Variants in MALRD1 observed in about 807,000 individuals in gnomAD.
MALRD1 encodes MAM and LDL receptor class A domain containing 1.
MALRD1 carries 247 observed loss-of-function variants against 242.1 expected under a neutral mutation model. The ratio of observed to expected loss-of-function variants is 1.02; its 90% confidence interval spans 0.92 to 1.13. The LOEUF (loss-of-function observed/expected upper bound fraction) is 1.13. MALRD1 is among the 50% of genes most tolerant of loss of function. The pLI, the probability that MALRD1 is intolerant of heterozygous loss-of-function variation, is 0.00. For synonymous variants in MALRD1, 995 were observed against 866.6 expected (o/e 1.15, Z -2.60); for missense variants, 2,989 against 2,533.1 (o/e 1.18, Z -3.86).
chr10:19,553,248 C>T lies in MALRD1; in HGVS notation c.5479-14254C>T, dbSNP rs145450202. Among the ~76,000 whole-genome samples, 141 of 152,036 alleles carry T rather than the reference C, an allele frequency of 9.3e-4. 1 individual carries two copies. Among genetic ancestry groups the T allele is most frequent in the African/African-American group, 3.1e-3 (127 of 41,494 alleles). ...TATGGTTGGACAAGGAAAACACTCA[C>T]AAAATTTCCAATTTAAAATTTCATA... is the stretch of plus-strand genomic sequence containing the variant. On this transcript the variant is annotated intron_variant, in intron 32 of 39. Coordinates refer to ENST00000454679, the MANE Select transcript of MALRD1 (RefSeq NM_001142308.3).
At chr10:19,413,230 A>G (rs1833355676) in intron 28 of MALRD1, among the ~76,000 whole-genome samples, 1 of 152,156 alleles carries the variant, frequency 6.6e-6, no homozygotes, top group Non-Finnish European at 1.5e-5. Flanking sequence ...AAAAACTACT[A>G]AATAGTTTTG....
At chr10:19,702,453 A>G (rs528908452) in intron 38 of MALRD1, among the ~76,000 whole-genome samples, 1 of 152,350 alleles carries the variant, frequency 6.6e-6, no homozygotes, top group African/African-American at 2.4e-5. Flanking sequence ...CAACAATGTT[A>G]TAGCAATGAT....
chr10:19,272,538 T>G (rs1840298364), intron 19 of MALRD1, among the ~76,000 whole-genome samples: 1 of 152,226 alleles, frequency 6.6e-6, no homozygotes, highest in Admixed American at 6.5e-5. Context: ...TATTATATTT[T>G]AAGTTCCGGG....
chr10:19,353,660 T>C (rs1014281781), intron 26 of MALRD1, among the ~76,000 whole-genome samples: 2 of 152,194 alleles, frequency 1.3e-5, no homozygotes, highest in Non-Finnish European at 2.9e-5. Flanking sequence ...AAGGGAAATA[T>C]ACATAGGTGG....
intron 29 of MALRD1, among the ~76,000 whole-genome samples, chr10:19,461,953 C>G (rs1835967210): frequency 6.6e-6 from 1 of 152,088 alleles, no homozygotes; most frequent in Non-Finnish European, 1.5e-5. Flanking sequence ...TTGCAGGCAT[C>G]CTTTAGTTTT....
intron 28 of MALRD1, among the ~76,000 whole-genome samples, chr10:19,416,217 ATG>A (rs1833508607): frequency 6.6e-6 from 1 of 152,208 alleles, no homozygotes. Flanking sequence ...ATTAAACTAA[ATG>A]AGAGTTACAA....
At chr10:19,276,488 T>C (rs1840534058) in intron 19 of MALRD1, among the ~76,000 whole-genome samples, 1 of 152,178 alleles carries the variant, frequency 6.6e-6, no homozygotes, top group Non-Finnish European at 1.5e-5. Flanking sequence ...GGCCATTGAA[T>C]GTTTTGCAGT....
At chr10:19,408,550 A>G (rs1179060841) in intron 28 of MALRD1, among the ~76,000 whole-genome samples, 4 of 152,210 alleles carry the variant, frequency 2.6e-5, no homozygotes, top group Non-Finnish European at 4.4e-5. Flanking sequence ...AAAGAAAATC[A>G]TACATTAGTG....
At chr10:19,259,795 T>G (rs1319905250) in intron 19 of MALRD1, among the ~76,000 whole-genome samples, 1 of 152,198 alleles carries the variant, frequency 6.6e-6, no homozygotes, top group African/African-American at 2.4e-5. Flanking sequence ...CTGCCAGAGT[T>G]TCTTCTTCAG....
rs1404996800 is a variant in MALRD1 at position 19,352,296 on chromosome 10, A to C, written c.4440A>C (p.Thr1480=). ...VQEELAVPLP[T]GFCPLGYREC... is the part of the protein sequence containing the mutation. ...AAGAACTGGCAGTGCCTCTTCCAAC[A>C]GGTACATTCTAATCTGTGTGTGTGT... The change falls in exon 26 of 40, where the codon ACA becomes ACC. Residue 1480 remains threonine (T), a splice_region_variant and synonymous_variant. Coordinates refer to ENST00000454679, the MANE Select transcript of MALRD1 (RefSeq NM_001142308.3). The C allele has an allele frequency of 1.5e-5, 22 of 1,483,228 alleles. No homozygotes were observed. The highest frequency in any genetic ancestry group is 1.8e-5 in the Non-Finnish European group (20 of 1,121,238). The allele number at this position is 1,483,228 out of a possible 1,614,324, so 91.9% of individuals were successfully genotyped here. A position where few individuals can be genotyped will look rare whatever the true frequency, so the allele number is the denominator to read the frequency against.
At chr10:19,324,927 TGC>T (rs1843052012) in intron 22 of MALRD1, among the ~76,000 whole-genome samples, 2 of 151,514 alleles carry the variant, frequency 1.3e-5, no homozygotes, top group Non-Finnish European at 2.9e-5. Context: ...ATAAATATTT[TGC>T]CAAGAGATAT....
chr10:19,497,033 T>C (rs1837749997), intron 30 of MALRD1, among the ~76,000 whole-genome samples: 1 of 151,952 alleles, frequency 6.6e-6, no homozygotes, highest in African/African-American at 2.4e-5. Flanking sequence ...AAAAATAAAG[T>C]CATATATTAA....
intron 5 of MALRD1, among the ~76,000 whole-genome samples, chr10:19,115,772 A>T (rs772368061): frequency 6.6e-6 from 1 of 152,182 alleles, no homozygotes; most frequent in Non-Finnish European, 1.5e-5. Flanking sequence ...GCTACTGGGG[A>T]GGCTGAGACG....
intron 2 of MALRD1, among the ~76,000 whole-genome samples, chr10:19,080,202 T>G (rs1009805546): frequency 6.6e-6 from 1 of 151,982 alleles, no homozygotes; most frequent in African/African-American, 2.4e-5. Flanking sequence ...ACCAAAGTAA[T>G]TTATAGATTT....
At chr10:19,326,545 C>T (rs943563442) in intron 22 of MALRD1, among the ~76,000 whole-genome samples, 10 of 151,720 alleles carry the variant, frequency 6.6e-5, no homozygotes, top group South Asian at 2.1e-4. Flanking sequence ...TTTTCAATGC[C>T]TTTCAAAATT....
intron 34 of MALRD1, among the ~76,000 whole-genome samples, chr10:19,596,729 ACT>A (rs1463548742): frequency 7.0e-6 from 1 of 143,364 alleles, no homozygotes; most frequent in Non-Finnish European, 1.5e-5. Flanking sequence ...ACAAAGTGAG[ACT>A]CTGTCTCAAA....
intron 32 of MALRD1, among the ~76,000 whole-genome samples, chr10:19,554,956 T>G (rs1835650649): frequency 6.6e-6 from 1 of 152,190 alleles, no homozygotes. Context: ...TCTGGATCTT[T>G]GAGGAATCGC....
chr10:19,553,964 C>T (rs1279265620), intron 32 of MALRD1, among the ~76,000 whole-genome samples: 1 of 152,128 alleles, frequency 6.6e-6, no homozygotes, highest in Non-Finnish European at 1.5e-5. Context: ...TTGTTGAGCT[C>T]CTATTATGTG....
intron 13 of MALRD1, among the ~76,000 whole-genome samples, chr10:19,170,762 CAT>C (rs1367613662): frequency 1.3e-5 from 2 of 152,120 alleles, no homozygotes; most frequent in Non-Finnish European, 2.9e-5. Flanking sequence ...TCTTACTTGA[CAT>C]GTGACATTCA....
Sources: gnomAD v4.1 joint callset for allele counts (sites outside exome capture counted in the v4.1 genomes callset) on GRCh38, gnomAD v4.1.1 for gene constraint, MANE v1.5 for transcripts, NCBI Gene and HGNC (gene_info 2026-07-23, HGNC 2026-07-21) for gene names.